RIMS1: variants seen among roughly 807,000 people sequenced by gnomAD.
RIMS1 encodes the protein regulating synaptic membrane exocytosis protein 1.
Under a neutral mutation model 214.1 loss-of-function variants are expected in RIMS1, and 83 were observed. That is an observed-to-expected ratio of 0.39 (90% CI 0.32 to 0.47). The LOEUF (loss-of-function observed/expected upper bound fraction) is 0.47, where lower values mean the gene tolerates loss of function less well. Ranked by LOEUF, RIMS1 falls within the 20% of genes least tolerant of loss-of-function variation. RIMS1 has a pLI of 0.99. For missense variants in RIMS1, 2,050 were observed against 2,161.8 expected (o/e 0.95, Z 1.03); for synonymous variants, 793 against 786.8 (o/e 1.01, Z -0.13).
rs948534095 is a variant in RIMS1 at position 72,398,412 on chromosome 6, A to G, written c.4720+62A>G. On this transcript the variant is annotated intron_variant, in intron 32 of 33. Coordinates refer to ENST00000521978, the MANE Select transcript of RIMS1 (RefSeq NM_014989.7). Reference sequence around the variant, plus strand: ...ATTTAATAGGCAAACAAATAAAAACATTTGCTGCATTTGAATTTCATATGC... The same window carrying G: ...ATTTAATAGGCAAACAAATAAAAACGTTTGCTGCATTTGAATTTCATATGC... 5.5e-6 allele frequency: 5 copies of G among 915,978 alleles called. No homozygotes were observed. The Admixed American group carries it at 7.5e-5, about 14-fold the overall frequency. 56.7% of individuals were successfully genotyped at this position (915,978 alleles called of 1,614,324 possible). A position where few individuals can be genotyped will look rare whatever the true frequency, so the allele number is the denominator to read the frequency against.
At chr6:72,379,276 G>A (rs1441678270) in intron 29 of RIMS1, among the ~76,000 whole-genome samples, 1 of 152,206 alleles carries the variant, frequency 6.6e-6, no homozygotes, top group East Asian at 1.9e-4. Flanking sequence ...TATGTCAGAG[G>A]ACTAGGCTTC....
chr6:72,371,022 T>C (rs2098199459), intron 29 of RIMS1, among the ~76,000 whole-genome samples: 1 of 152,206 alleles, frequency 6.6e-6, no homozygotes, highest in African/African-American at 2.4e-5. Flanking sequence ...ATGAGATTTT[T>C]TATATGAAAA....
At chr6:71,999,708 C>T (rs557973972) in intron 2 of RIMS1, among the ~76,000 whole-genome samples, 15 of 152,176 alleles carry the variant, frequency 9.9e-5, no homozygotes, top group South Asian at 4.1e-4. Context: ...TTAAATTAAA[C>T]GATGTTTACT....
In RIMS1 at chr6:72,274,373, T is replaced by C. The variant is rs1413941974; in HGVS notation, c.3423T>C (p.Asp1141=). The change falls in exon 23 of 34, where the codon GAT becomes GAC. Residue 1141 remains aspartate, a synonymous_variant. Transcript: ENST00000521978. ...RERGRWSPSL[D]RRRPPSPRIQ... is the part of the protein sequence containing the mutation. ...GGGGTAGATGGTCCCCCTCCCTAGATAGGAGACGACCTCCTAGTCCCAGGA... is the reference window on the plus strand; with the variant it reads ...GGGGTAGATGGTCCCCCTCCCTAGACAGGAGACGACCTCCTAGTCCCAGGA... 11 of 1,612,816 alleles carry C rather than the reference T, an allele frequency of 6.8e-6. No homozygotes were observed. Among genetic ancestry groups the C allele is most frequent in the South Asian group, 4.4e-5 (4 of 90,972 alleles).
At chr6:72,011,903 A>G (rs1584880134) in intron 2 of RIMS1, among the ~76,000 whole-genome samples, 1 of 152,328 alleles carries the variant, frequency 6.6e-6, no homozygotes, top group East Asian at 1.9e-4. Context: ...TAGCTCAACC[A>G]TTGTGGAAGT....
intron 4 of RIMS1, among the ~76,000 whole-genome samples, chr6:72,160,836 G>A (rs1434247068): frequency 7.1e-6 from 1 of 140,138 alleles, no homozygotes; most frequent in African/African-American, 2.5e-5. Context: ...ATATTGGTCT[G>A]AAATTCTCTT....
chr6:72,340,924 G>T (rs1018346106), intron 29 of RIMS1, among the ~76,000 whole-genome samples: 1 of 152,050 alleles, frequency 6.6e-6, no homozygotes, highest in Non-Finnish European at 1.5e-5. Flanking sequence ...AGCATGGAAT[G>T]TTCTTCCATT....
intron 24 of RIMS1, among the ~76,000 whole-genome samples, chr6:72,284,733 A>G (rs1259002771): frequency 6.6e-6 from 1 of 152,144 alleles, no homozygotes; most frequent in Non-Finnish European, 1.5e-5. Flanking sequence ...TGCAACTAAC[A>G]TATATTCATT....
intron 29 of RIMS1, among the ~76,000 whole-genome samples, chr6:72,335,142 G>A (rs941628547): frequency 2.4e-4 from 36 of 151,940 alleles, no homozygotes; most frequent in African/African-American, 8.0e-4. Flanking sequence ...TACACGTGCC[G>A]TGATGGTTTG....
At chr6:72,320,085 T>C (rs2096064377) in intron 28 of RIMS1, among the ~76,000 whole-genome samples, 1 of 152,164 alleles carries the variant, frequency 6.6e-6, no homozygotes, top group Non-Finnish European at 1.5e-5. Flanking sequence ...TGATTACTAA[T>C]ATTTAACTTA....
At chr6:72,168,717 CA>C (rs2046610253) in intron 4 of RIMS1, among the ~76,000 whole-genome samples, 1 of 118,400 alleles carries the variant, frequency 8.4e-6, no homozygotes, top group South Asian at 2.8e-4. Context: ...TCACTAGTTT[CA>C]GGGTTTTTTT....
chr6:72,332,309 G>A (rs1238003494), intron 28 of RIMS1, among the ~76,000 whole-genome samples: 1 of 151,634 alleles, frequency 6.6e-6, no homozygotes, highest in Non-Finnish European at 1.5e-5. Flanking sequence ...GTCATTTTAG[G>A]TGTATCAAAC....
chr6:72,051,277 G>T (rs1824583504), intron 2 of RIMS1, among the ~76,000 whole-genome samples: 1 of 152,082 alleles, frequency 6.6e-6, no homozygotes, highest in Non-Finnish European at 1.5e-5. Flanking sequence ...CTTTTATCAA[G>T]GCACCATCTT....
chr6:71,915,533 C>G (rs1562185674), intron 1 of RIMS1, among the ~76,000 whole-genome samples: 2 of 152,160 alleles, frequency 1.3e-5, no homozygotes, highest in Non-Finnish European at 1.5e-5. Context: ...TCCACAAACT[C>G]TGTTTCTTCT....
chr6:71,987,857 C>T (rs756690559), intron 2 of RIMS1, among the ~76,000 whole-genome samples: 6 of 152,036 alleles, frequency 3.9e-5, no homozygotes, highest in Admixed American at 1.3e-4. Context: ...TTGATTGTGT[C>T]CTTAGAGGGC....
At chr6:72,293,438 T>C (rs964494746) in intron 26 of RIMS1, among the ~76,000 whole-genome samples, 2 of 151,968 alleles carry the variant, frequency 1.3e-5, no homozygotes, top group Admixed American at 1.3e-4. Flanking sequence ...TTAAAATTTA[T>C]TTTTTAAAGC....
At position 71,954,871 on chromosome 6, in the gene RIMS1, CCA is replaced by C. The variant is rs113212281; in HGVS notation, c.165-14090_165-14089del. Among the ~76,000 whole-genome samples the C allele has an allele frequency of 8.2e-3, 1,214 of 147,166 alleles. 9 individuals carry two copies. The highest frequency in any genetic ancestry group is 0.028 in the African/African-American group (1,114 of 40,236). On this transcript the variant is annotated intron_variant, in intron 1 of 33. Transcript: ENST00000521978. ...GCACACACACACACACACACACACTCCACACACACACACACACACACACCTAG... is the reference window on the plus strand; with the variant it reads ...GCACACACACACACACACACACACTCCACACACACACACACACACACCTAG...
At chr6:72,266,623 C>G (rs2080670567) in intron 22 of RIMS1, among the ~76,000 whole-genome samples, 1 of 151,916 alleles carries the variant, frequency 6.6e-6, no homozygotes, top group Non-Finnish European at 1.5e-5. Flanking sequence ...TGATGCCTAA[C>G]AAAAAGAAAT....
chr6:71,942,786 A>AT (rs1252139012), intron 1 of RIMS1, among the ~76,000 whole-genome samples: 11 of 152,128 alleles, frequency 7.2e-5, no homozygotes, highest in African/African-American at 2.6e-4. Flanking sequence ...ATAAATTATA[A>AT]TTTTTTCTGA....
Sources: gnomAD v4.1 joint callset for allele counts (sites outside exome capture counted in the v4.1 genomes callset) on GRCh38, gnomAD v4.1.1 for gene constraint, MANE v1.5 for transcripts, NCBI Gene and HGNC (gene_info 2026-07-23, HGNC 2026-07-21) for gene names.